TXNDC9: variants seen among roughly 807,000 people sequenced by gnomAD.
TXNDC9 encodes thioredoxin domain containing 9.
TXNDC9 carries 7 observed loss-of-function variants against 23.0 expected under a neutral mutation model. That is an observed-to-expected ratio of 0.30 (90% CI 0.17 to 0.57). The LOEUF (loss-of-function observed/expected upper bound fraction) is 0.57, where lower values mean the gene tolerates loss of function less well. TXNDC9 is among the 20% of genes least tolerant of loss of function. The probability of loss-of-function intolerance (pLI) is 0.90; values close to 1 mark genes in which losing one functional copy is unlikely to be tolerated. For synonymous variants in TXNDC9, 72 were observed against 90.6 expected, an observed-to-expected ratio of 0.79 and a Z score of 1.17; for missense variants, 198 against 252.6, an observed-to-expected ratio of 0.78 and a Z score of 1.47.
At chr2:99,321,910 A>G in intron 4 of TXNDC9, 45 bp downstream of exon 4, 1 of 1,507,282 alleles carries the variant, frequency 6.6e-7, no homozygotes, top group Non-Finnish European at 8.9e-7. Flanking sequence ...AAAAATATCA[A>G]CTATATATGA....
At chr2:99,320,884 A>G (rs1401157309) in intron 4 of TXNDC9, among the ~76,000 whole-genome samples, 1 of 152,070 alleles carries the variant, frequency 6.6e-6, no homozygotes, top group African/African-American at 2.4e-5. Flanking sequence ...TCGTTGTACT[A>G]GTCTGCAGGG....
chr2:99,328,190 GGCT>G (rs887011903), intron 2 of TXNDC9, among the ~76,000 whole-genome samples: 4 of 151,968 alleles, frequency 2.6e-5, no homozygotes, highest in Non-Finnish European at 4.4e-5. Flanking sequence ...AAACCTCCTG[GGCT>G]CAAGAGATCC....
chr2:99,309,304 G>A, the TXNDC9 span, among the ~76,000 whole-genome samples: 1 of 151,792 alleles, frequency 6.6e-6, no homozygotes, highest in African/African-American at 2.4e-5. Flanking sequence ...GCTCAGGCAG[G>A]TCGAGGGTGG....
chr2:99,326,288 T>G (rs1328648093), intron 3 of TXNDC9, among the ~76,000 whole-genome samples: 1 of 152,154 alleles, frequency 6.6e-6, no homozygotes, highest in Non-Finnish European at 1.5e-5. Context: ...AATCAATTCT[T>G]GAAAGGTGTT....
chr2:99,314,973 G>GC (rs2094185551), downstream of TXNDC9, among the ~76,000 whole-genome samples: 1 of 141,684 alleles, frequency 7.1e-6, no homozygotes, highest in Admixed American at 7.5e-5. Context: ...TCGGCTCACT[G>GC]CAAGCTCCAC....
intron 1 of TXNDC9, 108 bp from the exon 2 acceptor site, chr2:99,333,350 G>C (rs1324331308): frequency 6.0e-6 from 5 of 836,518 alleles, no homozygotes; most frequent in Non-Finnish European, 7.2e-6. Flanking sequence ...ACTCTATGGA[G>C]TATTCTAACG....
chr2:99,331,986 T>C lies in TXNDC9; in HGVS notation c.189+1036A>G, dbSNP rs576640499. Among the ~76,000 whole-genome samples the C allele has an allele frequency of 2.0e-3, 309 of 152,288 alleles. 2 individuals are homozygous for C. The highest frequency in any genetic ancestry group is 3.0e-3 in the Non-Finnish European group (204 of 68,012). On this transcript the variant is annotated intron_variant, in intron 2 of 4. Coordinates refer to ENST00000264255, the MANE Select transcript of TXNDC9 (RefSeq NM_005783.4). ...CTCAGGTTGTCCGCTCACCTTGGAC[T>C]CCCAAAGTGTTGGGATTACAGATGT...
At chr2:99,330,272 AG>A (rs2094221573) in intron 2 of TXNDC9, among the ~76,000 whole-genome samples, 1 of 122,062 alleles carries the variant, frequency 8.2e-6, no homozygotes, top group Non-Finnish European at 1.6e-5. Context: ...CCGGGGCAAC[AG>A]AGCAAGACTC....
chr2:99,319,474 C>G lies in TXNDC9; in HGVS notation c.*208G>C. 1 of 442,140 alleles carries G rather than the reference C, an allele frequency of 2.3e-6. No homozygotes were observed. The highest frequency in any genetic ancestry group is 4.0e-6 in the Non-Finnish European group (1 of 252,702). The allele number at this position is 442,140 out of a possible 1,614,324, so 27.4% of individuals were successfully genotyped here. On this transcript the variant is annotated 3_prime_UTR_variant, in exon 5 of 5. Transcript: ENST00000264255. ...CAAAAATAGAGAATCCAGACCCTTC[C>G]CAGATAATTTAAGAACTGAGTTTTC... is the stretch of plus-strand genomic sequence containing the variant.
intron 3 of TXNDC9, among the ~76,000 whole-genome samples, chr2:99,323,257 A>G (rs1287430764): frequency 6.6e-6 from 1 of 151,822 alleles, no homozygotes; most frequent in Non-Finnish European, 1.5e-5. Flanking sequence ...AAATACAAAA[A>G]TTAGCTGGGT....
At chr2:99,314,548 T>TTTTTTTTA (rs2094184242), downstream of TXNDC9, among the ~76,000 whole-genome samples, 1 of 147,030 alleles carries the variant, frequency 6.8e-6, no homozygotes, top group African/African-American at 2.5e-5. Context: ...TTTTTTTTTT[T>TTTTTTTTA]GAGACAGAGT....
chr2:99,316,927 T>C (rs1273926520), downstream of TXNDC9, among the ~76,000 whole-genome samples: 1 of 152,072 alleles, frequency 6.6e-6, no homozygotes, highest in Non-Finnish European at 1.5e-5. Flanking sequence ...CGGCTAATTT[T>C]TTGTATTTTT....
downstream of TXNDC9, among the ~76,000 whole-genome samples, chr2:99,315,282 G>A (rs1043069118): frequency 3.3e-5 from 5 of 151,800 alleles, no homozygotes; most frequent in Non-Finnish European, 7.4e-5. Context: ...AGCCAGGATG[G>A]TCTCGATCTC....
downstream of TXNDC9, among the ~76,000 whole-genome samples, chr2:99,315,839 T>C (rs1201969952): frequency 6.6e-6 from 1 of 152,202 alleles, no homozygotes. Context: ...ATTTCGCTTA[T>C]CTTTATGCCT....
the TXNDC9 span, among the ~76,000 whole-genome samples, chr2:99,313,272 G>C: frequency 1.3e-5 from 2 of 152,084 alleles, no homozygotes; most frequent in African/African-American, 4.8e-5. Context: ...GTCTTGCTTT[G>C]TTGGCCAGGT....
chr2:99,322,427 G>A (rs1305420332), intron 3 of TXNDC9: 2 of 1,248,786 alleles, frequency 1.6e-6, no homozygotes, highest in Non-Finnish European at 2.1e-6. Context: ...TAGAAAGTCA[G>A]ATTTGCATTA....
chr2:99,308,653 C>T, the TXNDC9 span, among the ~76,000 whole-genome samples: 9 of 151,246 alleles, frequency 6.0e-5, no homozygotes, highest in Admixed American at 1.3e-4. Context: ...AGGATGAGTA[C>T]GATGTGATTC....
At chr2:99,317,349 CA>C (rs1188193482), downstream of TXNDC9, among the ~76,000 whole-genome samples, 1 of 152,126 alleles carries the variant, frequency 6.6e-6, no homozygotes, top group Non-Finnish European at 1.5e-5. Context: ...AATTTCCCTC[CA>C]ACCCCTACCC....
the TXNDC9 span, among the ~76,000 whole-genome samples, chr2:99,313,959 A>G: frequency 1.3e-5 from 2 of 152,200 alleles, no homozygotes; most frequent in African/African-American, 4.8e-5. Flanking sequence ...TTTTTAGTAT[A>G]TATTTTTTCA....
Sources: allele counts gnomAD v4.1 joint callset (sites outside exome capture counted in the v4.1 genomes callset), GRCh38; gene constraint gnomAD v4.1.1; transcripts MANE v1.5; gene names NCBI Gene and HGNC (gene_info 2026-07-23, HGNC 2026-07-21).